Variants in ZNF274 observed in about 807,000 individuals in gnomAD.
The protein encoded by ZNF274 is zinc finger protein 274.
ZNF274 carries 23 observed loss-of-function variants against 42.5 expected under a neutral mutation model. That is an observed-to-expected ratio of 0.54 (90% CI 0.39 to 0.77). The LOEUF (loss-of-function observed/expected upper bound fraction) is 0.77. Ranked by LOEUF, ZNF274 falls within the 30% of genes least tolerant of loss-of-function variation. The pLI, the probability that ZNF274 is intolerant of heterozygous loss-of-function variation, is 0.00. For synonymous variants in ZNF274, 292 were observed against 305.4 expected (o/e 0.96, Z 0.46); for missense variants, 679 against 806.5 (o/e 0.84, Z 1.91).
At position 58,211,992 on chromosome 19, in the gene ZNF274, CT is replaced by C. The variant is rs1420801256; in HGVS notation, c.980-168del. 2.0e-5 allele frequency among the ~76,000 whole-genome samples: 3 copies of C among 152,184 alleles called. No individual in the cohort carries two copies. The highest frequency in any genetic ancestry group is 4.4e-5 in the Non-Finnish European group (3 of 68,034). ...TGTCCCTTGTTCACCAAGGTCAGTGCTCCCCTCCCTGCCGCTTCATTGCTTT... is the reference window on the plus strand; with the variant it reads ...TGTCCCTTGTTCACCAAGGTCAGTGCCCCCTCCCTGCCGCTTCATTGCTTT... On this transcript the variant is annotated intron_variant, in intron 7 of 7. Coordinates refer to ENST00000617501, the MANE Select transcript of ZNF274 (RefSeq NM_133502.3). This position sits in a 1 kb window ranked among gnomAD's most constrained non-coding sequence, Gnocchi z 4.8.
At chr19:58,188,621 ATATATAT>A (rs1404741373) in intron 4 of ZNF274, among the ~76,000 whole-genome samples, 446 of 18,254 alleles carry the variant, frequency 0.024, 10 homozygotes, top group Non-Finnish European at 0.036. Context: ...AAAAAAAAAA[ATATATAT>A]ATATATATAT....
rs1050610019 is a variant in ZNF274, at chr19:58,183,447, G to A, written c.-46+5G>A. On this transcript the variant is annotated splice_donor_5th_base_variant and intron_variant, in intron 1 of 7. Transcript: ENST00000617501. ...CCATTGTGCGGCGCGCGCCGGGTGA[G>A]TGCCGCGCGAAACCTGCGTCCGTCG... The A allele has an allele frequency of 2.6e-5, 4 of 152,488 alleles. No homozygotes were observed. The highest frequency in any genetic ancestry group is 5.9e-5 in the Non-Finnish European group (4 of 68,114). The allele number at this position is 152,488 out of a possible 1,614,324, so 9.4% of individuals were successfully genotyped here.
chr19:58,211,794 G>T lies in ZNF274; in HGVS notation c.979+108G>T, dbSNP rs187340040. The T allele has an allele frequency of 1.4e-6, 2 of 1,438,690 alleles. No individual in the cohort carries two copies. The highest frequency in any genetic ancestry group is 2.8e-5 in the African/African-American group (2 of 70,228). 89.1% of individuals were successfully genotyped at this position (1,438,690 alleles called of 1,614,324 possible). A position where few individuals can be genotyped will look rare whatever the true frequency, so the allele number is the denominator to read the frequency against. Reference sequence around the variant, plus strand: ...CTCCACACTGGGCATTCCCTCAAGGGGCCCTTGCTGCATCCAGGGCCTGTA... The same window carrying T: ...CTCCACACTGGGCATTCCCTCAAGGTGCCCTTGCTGCATCCAGGGCCTGTA... On this transcript the variant is annotated intron_variant, in intron 7 of 7. Coordinates refer to ENST00000617501, the MANE Select transcript of ZNF274 (RefSeq NM_133502.3). This position sits in a 1 kb window ranked among gnomAD's most constrained non-coding sequence, Gnocchi z 4.8.
chr19:58,192,174 A>G (rs1279223787), intron 4 of ZNF274, among the ~76,000 whole-genome samples: 1 of 152,202 alleles, frequency 6.6e-6, no homozygotes. Context: ...CAGATGGGAA[A>G]GAACTTAGCA....
intron 4 of ZNF274, among the ~76,000 whole-genome samples, chr19:58,206,387 A>G (rs1403544950): frequency 6.6e-6 from 1 of 152,228 alleles, no homozygotes; most frequent in Non-Finnish European, 1.5e-5. Flanking sequence ...ACATTCTTAT[A>G]GAAGTTTTTG....
intron 4 of ZNF274, among the ~76,000 whole-genome samples, chr19:58,204,253 C>T (rs932658966): frequency 2.0e-5 from 3 of 151,986 alleles, no homozygotes; most frequent in African/African-American, 7.3e-5. Flanking sequence ...TCAGCGGGGA[C>T]TAGGGAGAAC....
In ZNF274 at chr19:58,207,570, C is replaced by G. The variant is rs2075993520; in HGVS notation, c.739+368C>G. Among the ~76,000 whole-genome samples, 1 of 152,096 alleles carries G rather than the reference C, an allele frequency of 6.6e-6. No homozygotes were observed. The highest frequency in any genetic ancestry group is 2.4e-5 in the African/African-American group (1 of 41,418). On this transcript the variant is annotated intron_variant, in intron 5 of 7. Coordinates refer to ENST00000617501, the MANE Select transcript of ZNF274 (RefSeq NM_133502.3). The surrounding 1 kb of genome is among the most constrained non-coding windows in gnomAD (Gnocchi z 5.6). ...ACAAATGAGAATGCATAGAAAAATG[C>G]TGGGACTATGAGGAGCTCGAGGTGA...
At position 58,183,858 on chromosome 19, in the gene ZNF274, T is replaced by G. The variant is rs2146181857; in HGVS notation, c.-45-63T>G. 36 of 1,171,522 alleles carry G rather than the reference T, an allele frequency of 3.1e-5. 2 individuals are homozygous for G. The South Asian group carries it at 5.2e-4, about 17-fold the overall frequency. 72.6% of individuals were successfully genotyped at this position (1,171,522 alleles called of 1,614,324 possible). ...GAGGGAGCCGTTCCTGGGCGGAGGCTGCGGTAGCTCCCCAGCGGACACCTT... is the reference window on the plus strand; with the variant it reads ...GAGGGAGCCGTTCCTGGGCGGAGGCGGCGGTAGCTCCCCAGCGGACACCTT... On this transcript the variant is annotated intron_variant, in intron 1 of 7. Coordinates refer to ENST00000617501, the MANE Select transcript of ZNF274 (RefSeq NM_133502.3).
intron 4 of ZNF274, among the ~76,000 whole-genome samples, chr19:58,198,875 A>AT (rs925417352): frequency 2.8e-5 from 4 of 141,126 alleles, no homozygotes; most frequent in African/African-American, 8.0e-5. Flanking sequence ...AGCAGTGGAG[A>AT]TTTTTTAACT....
intron 4 of ZNF274, among the ~76,000 whole-genome samples, chr19:58,198,148 T>C (rs2075865737): frequency 6.6e-6 from 1 of 151,582 alleles, no homozygotes; most frequent in Admixed American, 6.6e-5. Flanking sequence ...GAGTCAGAAA[T>C]AGAGAAGAAA....
At chr19:58,194,891 C>T (rs1241512839) in intron 4 of ZNF274, among the ~76,000 whole-genome samples, 1 of 152,026 alleles carries the variant, frequency 6.6e-6, no homozygotes, top group East Asian at 1.9e-4. Flanking sequence ...GTCCCAGCTA[C>T]TCAGGAGGCT....
In ZNF274 at chr19:58,206,717, CAGAGTATCCTGAGCTCCAGCTGGACCCT is replaced by C; in HGVS notation, c.257-1_283del. ...TTTGTCTTGCTCTGCTTTTGACTTACAGAGTATCCTGAGCTCCAGCTGGACCCTAAATTGGATCCTCTTCCTGCTGAGA... is the reference window on the plus strand; with the variant it reads ...TTTGTCTTGCTCTGCTTTTGACTTACAAATTGGATCCTCTTCCTGCTGAGA... On this transcript the variant is annotated splice_acceptor_variant and coding_sequence_variant, in exon 5 of 8. Coordinates refer to ENST00000617501, the MANE Select transcript of ZNF274 (RefSeq NM_133502.3). LOFTEE classifies it high-confidence loss of function. The C allele has an allele frequency of 3.2e-6, 5 of 1,562,834 alleles. No homozygotes were observed. The highest frequency in any genetic ancestry group is 4.3e-6 in the Non-Finnish European group (5 of 1,153,408).
rs776077810 is a variant in ZNF274, at chr19:58,183,970, C to T, written c.5C>T (p.Ala2Val). 2.6e-5 allele frequency: 41 copies of T among 1,595,802 alleles called. No individual in the cohort carries two copies. The highest frequency in any genetic ancestry group is 1.2e-4 in the African/African-American group (9 of 74,532). The change falls in exon 2 of 8, where the codon GCC becomes GTC. Residue 2 changes from alanine to valine, a missense_variant. By Grantham distance (64) the Ala-to-Val change is moderately conservative (BLOSUM62 0). Transcript: ENST00000617501. ...CACATTGAGAAGGAGGAAACTATGG[C>T]CTCCAGGCTTCCGACGGCCTGGTCC... The part of the protein sequence containing the change: M[A>V]SRLPTAWSCE...
At position 58,212,477 on chromosome 19, in the gene ZNF274, C is replaced by T. The variant is rs199831719; in HGVS notation, c.1296C>T (p.Gly432=). Residue 432 remains glycine, a synonymous_variant, in exon 8 of 8, where the codon GGC becomes GGT. Coordinates refer to ENST00000617501, the MANE Select transcript of ZNF274 (RefSeq NM_133502.3). The surrounding 1 kb of genome is among the most constrained non-coding windows in gnomAD (Gnocchi z 4.6). ...IDNPESQANS[G]ALDTNQVLLH... ...ACCCTGAGTCCCAGGCAAACAGTGGCGCTCTTGACACAAACCAAGTTTTGC... is the reference window on the plus strand; with the variant it reads ...ACCCTGAGTCCCAGGCAAACAGTGGTGCTCTTGACACAAACCAAGTTTTGC... 232 of 1,613,604 alleles carry T rather than the reference C, an allele frequency of 1.4e-4. No homozygotes were observed. The Admixed American group carries it at 2.3e-3, about 16-fold the overall frequency.
At chr19:58,205,028 T>C (rs2075966049) in intron 4 of ZNF274, among the ~76,000 whole-genome samples, 1 of 152,224 alleles carries the variant, frequency 6.6e-6, no homozygotes, top group African/African-American at 2.4e-5. Context: ...GCTGTGCTTG[T>C]TGCCAGAGGT....
At chr19:58,194,509 G>T (rs1227612379) in intron 4 of ZNF274, among the ~76,000 whole-genome samples, 3 of 148,530 alleles carry the variant, frequency 2.0e-5, no homozygotes, top group Non-Finnish European at 4.4e-5. Context: ...CTTCTGTGTA[G>T]CTGGGACTAC....
chr19:58,195,090 C>T (rs183104674), intron 4 of ZNF274, among the ~76,000 whole-genome samples: 1,645 of 151,296 alleles, frequency 0.011, 18 homozygotes, highest in Non-Finnish European at 0.015. Context: ...CCCAGCTACT[C>T]GGGAGGCTGA....
intron 6 of ZNF274, 57 bp downstream of exon 6, chr19:58,210,130 C>A: frequency 7.0e-7 from 1 of 1,418,940 alleles, no homozygotes; most frequent in East Asian, 2.3e-5. Context: ...GGCAGGCCCA[C>A]CCCTGAGGCA....
chr19:58,193,708 T>C (rs941339865), intron 4 of ZNF274, among the ~76,000 whole-genome samples: 3 of 151,986 alleles, frequency 2.0e-5, no homozygotes, highest in Non-Finnish European at 4.4e-5. Flanking sequence ...GGAGGATCAC[T>C]TGAACTAAGG....
Sources: allele counts gnomAD v4.1 joint callset (sites outside exome capture counted in the v4.1 genomes callset), GRCh38; gene constraint gnomAD v4.1.1; non-coding constraint Gnocchi (gnomAD v3.1); transcripts MANE v1.5; gene names NCBI Gene and HGNC (gene_info 2026-07-23, HGNC 2026-07-21).